Variants in GRID2 observed in about 807,000 individuals in gnomAD.
GRID2 encodes glutamate receptor ionotropic, delta-2.
Under a neutral mutation model 114.8 loss-of-function variants are expected in GRID2, and 33 were observed. That is an observed-to-expected ratio of 0.29 (90% CI 0.22 to 0.38). The LOEUF is 0.38. GRID2 is among the 10% of genes least tolerant of loss of function. GRID2 has a pLI of 1.00. For missense variants in GRID2, 1,184 were observed against 1,257.7 expected (o/e 0.94, Z 0.89); for synonymous variants, 505 against 449.9 (o/e 1.12, Z -1.55).
intron 8 of GRID2, among the ~76,000 whole-genome samples, chr4:93,267,072 A>C (rs758657825): frequency 4.0e-5 from 6 of 151,596 alleles, no homozygotes; most frequent in Non-Finnish European, 7.4e-5. Flanking sequence ...TTCACTTATG[A>C]TAATGGCTTC....
intron 1 of GRID2, among the ~76,000 whole-genome samples, chr4:92,321,876 G>A (rs187373737): frequency 3.3e-5 from 5 of 152,126 alleles, no homozygotes; most frequent in African/African-American, 1.2e-4. Flanking sequence ...CTACTTCCTG[G>A]CTGTGAAGTC....
At chr4:92,434,063 A>G (rs1732609063) in intron 1 of GRID2, among the ~76,000 whole-genome samples, 2 of 152,230 alleles carry the variant, frequency 1.3e-5, no homozygotes, top group African/African-American at 4.8e-5. Context: ...TAAATTTAAA[A>G]CAACCAGTTA....
At chr4:93,760,430 A>G (rs1336277389) in intron 14 of GRID2, among the ~76,000 whole-genome samples, 1 of 152,208 alleles carries the variant, frequency 6.6e-6, no homozygotes, top group African/African-American at 2.4e-5. Context: ...CCTTTTTCAA[A>G]TTTGAAAGTA....
chr4:92,330,202 A>C (rs1324436835), intron 1 of GRID2, among the ~76,000 whole-genome samples: 3 of 152,092 alleles, frequency 2.0e-5, no homozygotes, highest in Non-Finnish European at 4.4e-5. Context: ...CCATTGTTTA[A>C]GATGTTTAAA....
rs187404890 is a variant in GRID2 at position 93,348,202 on chromosome 4, A to G, written c.1246-47405A>G. Among the ~76,000 whole-genome samples the G allele has an allele frequency of 3.7e-3, 560 of 152,296 alleles. 2 individuals are homozygous for G. Among genetic ancestry groups the G allele is most frequent in the African/African-American group, 0.013 (524 of 41,582 alleles). ...TTGCTTATCTTATTTAAGTAAAACTATTCCAAAAGTTATTTTATATAACAC... is the reference window on the plus strand; with the variant it reads ...TTGCTTATCTTATTTAAGTAAAACTGTTCCAAAAGTTATTTTATATAACAC... On this transcript the variant is annotated intron_variant, in intron 8 of 15. Coordinates refer to ENST00000282020, the MANE Select transcript of GRID2 (RefSeq NM_001510.4).
chr4:93,394,015 T>A (rs1259500728), intron 8 of GRID2, among the ~76,000 whole-genome samples: 1 of 152,044 alleles, frequency 6.6e-6, no homozygotes, highest in Admixed American at 6.6e-5. Context: ...TCACTTAATG[T>A]TATAGATCAC....
chr4:92,783,947 A>G (rs1739203865), intron 2 of GRID2, among the ~76,000 whole-genome samples: 1 of 151,986 alleles, frequency 6.6e-6, no homozygotes, highest in South Asian at 2.1e-4. Context: ...ACTTCTTAAG[A>G]CGTTTTGGTA....
intron 2 of GRID2, among the ~76,000 whole-genome samples, chr4:92,777,057 G>GTGCTT: frequency 6.6e-6 from 1 of 151,688 alleles, no homozygotes; most frequent in Non-Finnish European, 1.5e-5. Context: ...GTGGAAGTAA[G>GTGCTT]TCCTCCGCTC....
At position 92,996,813 on chromosome 4, in the gene GRID2, C is replaced by T. The variant is rs538838565; in HGVS notation, c.245-88182C>T. On this transcript the variant is annotated intron_variant, in intron 2 of 15. Transcript: ENST00000282020. ...CAAATATAAGAGTCTAAATGCATTGCTATAAGTGTCAGGCTGGCAGCAAAT... is the reference window on the plus strand; with the variant it reads ...CAAATATAAGAGTCTAAATGCATTGTTATAAGTGTCAGGCTGGCAGCAAAT... 2.0e-5 allele frequency among the ~76,000 whole-genome samples: 3 copies of T among 152,236 alleles called. 1 individual carries two copies. The South Asian group carries it at 6.2e-4, about 32-fold the overall frequency.
intron 7 of GRID2, among the ~76,000 whole-genome samples, chr4:93,228,662 G>A (rs1745776765): frequency 6.6e-6 from 1 of 152,152 alleles, no homozygotes; most frequent in South Asian, 2.1e-4. Flanking sequence ...AAATCTTCCA[G>A]CCTTATCTAT....
chr4:93,407,622 T>C lies in GRID2; in HGVS notation c.1347+11914T>C, dbSNP rs185534532. Among the ~76,000 whole-genome samples, 7 of 152,220 alleles carry C rather than the reference T, an allele frequency of 4.6e-5. No homozygotes were observed. In the East Asian group the frequency reaches 1.2e-3, roughly 25 times the overall value. Reference sequence around the variant, plus strand: ...AAAATTGTTCAGCAAGGAATTTCAGTTTCTCTAGGTGATGGAAGTTAGCAC... The same window carrying C: ...AAAATTGTTCAGCAAGGAATTTCAGCTTCTCTAGGTGATGGAAGTTAGCAC... On this transcript the variant is annotated intron_variant, in intron 9 of 15. Transcript: ENST00000282020.
At chr4:93,490,023 T>C (rs1726829192) in intron 11 of GRID2, among the ~76,000 whole-genome samples, 1 of 151,860 alleles carries the variant, frequency 6.6e-6, no homozygotes, top group Non-Finnish European at 1.5e-5. Context: ...GGTGAGACTA[T>C]GGACAGAGAA....
chr4:93,431,376 A>C (rs531968298), intron 10 of GRID2, among the ~76,000 whole-genome samples: 2 of 152,206 alleles, frequency 1.3e-5, no homozygotes, highest in Non-Finnish European at 2.9e-5. Context: ...TAATCTTAGG[A>C]TGAAACCCAG....
At chr4:93,520,107 G>T (rs1730183931) in intron 13 of GRID2, among the ~76,000 whole-genome samples, 1 of 152,108 alleles carries the variant, frequency 6.6e-6, no homozygotes, top group Admixed American at 6.6e-5. Context: ...GCTTACCCCA[G>T]TTTTATTCAG....
intron 2 of GRID2, among the ~76,000 whole-genome samples, chr4:92,741,001 C>T (rs1243005510): frequency 6.6e-6 from 1 of 152,078 alleles, no homozygotes; most frequent in African/African-American, 2.4e-5. Flanking sequence ...TGATCCACCT[C>T]CCAAAATACT....
At chr4:92,866,811 C>G (rs1207749826) in intron 2 of GRID2, among the ~76,000 whole-genome samples, 1 of 152,040 alleles carries the variant, frequency 6.6e-6, no homozygotes, top group African/African-American at 2.4e-5. Flanking sequence ...TCGGCCTCCC[C>G]AAGTGCGGGG....
chr4:92,807,008 TGTTCACCTATTA>T lies in GRID2; in HGVS notation c.244+216723_244+216734del, dbSNP rs539790582. ...GGGAATTTAAAAGAAATATGTCAAT[TGTTCACCTATTA>T]TCTGGAAAATCAATCATCTTTTATT... On this transcript the variant is annotated intron_variant, in intron 2 of 15. Transcript: ENST00000282020. 5.0e-4 allele frequency among the ~76,000 whole-genome samples: 76 copies of T among 152,102 alleles called. No individual in the cohort carries two copies. The East Asian group carries it at 0.014, about 29-fold the overall frequency.
At chr4:92,760,685 C>G (rs749089637) in intron 2 of GRID2, among the ~76,000 whole-genome samples, 2 of 152,186 alleles carry the variant, frequency 1.3e-5, no homozygotes, top group Non-Finnish European at 2.9e-5. Context: ...CATCTCTATA[C>G]AGAGTCTGTT....
chr4:92,647,975 A>G (rs1731730935), intron 2 of GRID2, among the ~76,000 whole-genome samples: 3 of 149,754 alleles, frequency 2.0e-5, no homozygotes, highest in Non-Finnish European at 3.0e-5. Context: ...TGTTATACAG[A>G]TTAAGGAAGT....
Sources: gnomAD v4.1 joint callset for allele counts (sites outside exome capture counted in the v4.1 genomes callset) on GRCh38, gnomAD v4.1.1 for gene constraint, MANE v1.5 for transcripts, NCBI Gene and HGNC (gene_info 2026-07-23, HGNC 2026-07-21) for gene names.